The following CACNA1G variants were observed in gnomAD, a reference collection of about 807,000 sequenced individuals.
The protein encoded by CACNA1G is voltage-dependent T-type calcium channel subunit alpha-1G.
CACNA1G carries 67 observed loss-of-function variants against 219.4 expected under a neutral mutation model. The observed-to-expected ratio is 0.31, with a 90% CI of 0.25 to 0.37. CACNA1G has a LOEUF of 0.37. Among genes scored for constraint, CACNA1G ranks in the 10% least tolerant of loss-of-function variants. The pLI, the probability that CACNA1G is intolerant of heterozygous loss-of-function variation, is 1.00. For missense variants in CACNA1G, 2,380 were observed against 3,231.4 expected, an observed-to-expected ratio of 0.74 and a Z score of 6.39; for synonymous variants, 1,296 against 1,345.3, an observed-to-expected ratio of 0.96 and a Z score of 0.80.
intron 26 of CACNA1G, among the ~76,000 whole-genome samples, chr17:50,611,441 A>G (rs911514652): frequency 6.6e-6 from 1 of 152,064 alleles, no homozygotes; most frequent in Non-Finnish European, 1.5e-5. Flanking sequence ...GGACCCACCC[A>G]AGAGAGAACC....
At chr17:50,594,912 C>T in intron 13 of CACNA1G, 81 bp from the exon 14 acceptor site, 1 of 1,065,366 alleles carries the variant, frequency 9.4e-7, no homozygotes, top group Non-Finnish European at 1.4e-6. Flanking sequence ...TTTTCTTCAT[C>T]CTCTCTCGAC....
chr17:50,622,170 C>CCT lies in CACNA1G; in HGVS notation c.6060+376_6060+377insCT, dbSNP rs2052301554. Among the ~76,000 whole-genome samples the CCT allele has an allele frequency of 2.0e-5, 3 of 148,822 alleles. 1 individual carries two copies. Among genetic ancestry groups the CCT allele is most frequent in the African/African-American group, 7.5e-5 (3 of 40,194 alleles). On this transcript the variant is annotated intron_variant, in intron 35 of 37. Transcript: ENST00000359106. ...GCCAGCCCTCCCTGTGCCTGTTCCC[C>CCT]TCCTCCCCACCCCACCCCACCCCCC... is the stretch of plus-strand genomic sequence containing the variant.
chr17:50,596,976 G>A lies in CACNA1G; in HGVS notation c.3258+53G>A. ...GGTGGGAGATATTCCAAGGAGGACA[G>A]GAGGAAGAGAGGATGGAGGCAGGCG... On this transcript the variant is annotated intron_variant, in intron 16 of 37. Coordinates refer to ENST00000359106, the MANE Select transcript of CACNA1G (RefSeq NM_018896.5). The surrounding 1 kb of genome is among the most constrained non-coding windows in gnomAD (Gnocchi z 4.8). 6.9e-7 allele frequency: 1 copy of A among 1,444,984 alleles called. No individual in the cohort carries two copies. Among genetic ancestry groups the A allele is most frequent in the East Asian group, 2.5e-5 (1 of 40,092 alleles). 89.5% of individuals were successfully genotyped at this position (1,444,984 alleles called of 1,614,324 possible). A position where few individuals can be genotyped will look rare whatever the true frequency, so the allele number is the denominator to read the frequency against.
At chr17:50,581,127 G>A (rs2041872367) in intron 9 of CACNA1G, among the ~76,000 whole-genome samples, 1 of 151,778 alleles carries the variant, frequency 6.6e-6, no homozygotes, top group Non-Finnish European at 1.5e-5. Context: ...AGAGAGACGC[G>A]CAGGCAGGGG....
chr17:50,589,140 G>A (rs1433295327), intron 9 of CACNA1G, among the ~76,000 whole-genome samples: 1 of 152,134 alleles, frequency 6.6e-6, no homozygotes, highest in Non-Finnish European at 1.5e-5. Context: ...TGGACAGTGG[G>A]GTCCATTGAG....
At position 50,578,138 on chromosome 17, in the gene CACNA1G, G is replaced by C; in HGVS notation, c.1925-50G>C. 6.7e-7 allele frequency: 1 copy of C among 1,499,428 alleles called. No individual in the cohort carries two copies. Among genetic ancestry groups the C allele is most frequent in the Non-Finnish European group, 8.9e-7 (1 of 1,128,994 alleles). The allele number at this position is 1,499,428 out of a possible 1,614,324, so 92.9% of individuals were successfully genotyped here. ...TTACACATACTCACAGGGCAGGGTA[G>C]CCCCAGGTACGAGACTCTGGAGCCT... On this transcript the variant is annotated intron_variant, in intron 8 of 37. Transcript: ENST00000359106. The surrounding 1 kb of genome is among the most constrained non-coding windows in gnomAD (Gnocchi z 4.5).
intron 24 of CACNA1G, 51 bp downstream of exon 24, chr17:50,607,040 G>A (rs2048104917): frequency 7.2e-7 from 1 of 1,386,330 alleles, no homozygotes; most frequent in Non-Finnish European, 1.0e-6. Flanking sequence ...CACTCAGCAT[G>A]GGCTGATTCC....
chr17:50,625,387 T>G (rs2053494040), intron 37 of CACNA1G, among the ~76,000 whole-genome samples: 1 of 152,208 alleles, frequency 6.6e-6, no homozygotes, highest in Non-Finnish European at 1.5e-5. Flanking sequence ...AAATAGTCAC[T>G]AAGCAGCCTC....
At chr17:50,623,579 G>A (rs1196888070) in intron 35 of CACNA1G, among the ~76,000 whole-genome samples, 1 of 151,268 alleles carries the variant, frequency 6.6e-6, no homozygotes, top group Non-Finnish European at 1.5e-5. Context: ...TCCCTTCTCT[G>A]GATACCTCCC....
Position 50,616,389 on chromosome 17 carries a change from C to A in CACNA1G, c.5021+5C>A, listed in dbSNP as rs747327419. ...CCGTCGGTTCTTCCAGGACAGGTAA[C>A]GGAGAAAAGGGGGGTCTTGGGGACT... On this transcript the variant is annotated splice_donor_5th_base_variant and intron_variant, in intron 28 of 37. Transcript: ENST00000359106. 5.8e-6 allele frequency: 9 copies of A among 1,562,878 alleles called. No individual in the cohort carries two copies. The East Asian group carries it at 2.0e-4, about 35-fold the overall frequency.
Position 50,575,748 on chromosome 17 carries a change from G to T in CACNA1G, c.1346G>T (p.Arg449Leu). Residue 449 changes from arginine (R) to leucine (L), a missense_variant, in exon 8 of 38, where the codon CGC (arginine) becomes CTC (leucine). Around this residue, in one of 17 missense-constraint regions of CACNA1G, gnomAD observed 434 missense variants for 417.3 expected, o/e 1.04. Coordinates refer to ENST00000359106, the MANE Select transcript of CACNA1G (RefSeq NM_018896.5). ...YLVYILRKAA[R>L]RLAQVSRAAG... is the part of the protein sequence containing the mutation. The stretch of plus-strand genomic sequence containing the variant: ...GTGTACATCCTTCGTAAGGCAGCCC[G>T]CAGGCTGGCTCAGGTCTCTCGGGCA... The T allele has an allele frequency of 6.4e-7, 1 of 1,572,172 alleles. No individual in the cohort carries two copies. Among genetic ancestry groups the T allele is most frequent in the Non-Finnish European group, 8.6e-7 (1 of 1,158,916 alleles).
At chr17:50,622,080 C>T (rs1445924034) in intron 35 of CACNA1G, among the ~76,000 whole-genome samples, 1 of 152,126 alleles carries the variant, frequency 6.6e-6, no homozygotes, top group East Asian at 1.9e-4. Context: ...TCCAGACACC[C>T]AGGAGTGACA....
At position 50,626,861 on chromosome 17, in the gene CACNA1G, G is replaced by A. The variant is rs767646850; in HGVS notation, c.*110G>A. The A allele has an allele frequency of 2.0e-5, 28 of 1,400,392 alleles. No homozygotes were observed. In the South Asian group the frequency reaches 3.2e-4, roughly 16 times the overall value. 86.7% of individuals were successfully genotyped at this position (1,400,392 alleles called of 1,614,324 possible). A position where few individuals can be genotyped will look rare whatever the true frequency, so the allele number is the denominator to read the frequency against. On this transcript the variant is annotated 3_prime_UTR_variant, in exon 38 of 38. Transcript: ENST00000359106. The surrounding 1 kb of genome is among the most constrained non-coding windows in gnomAD (Gnocchi z 4.3). Reference sequence around the variant, plus strand: ...TCCATATAGACACCAAGGAGGCGGAGGCGCTCCTCCCTGCCTCAGTGGCTC... The same window carrying A: ...TCCATATAGACACCAAGGAGGCGGAAGCGCTCCTCCCTGCCTCAGTGGCTC...
At chr17:50,595,140 C>A in intron 14 of CACNA1G, 79 bp downstream of exon 14, 1 of 1,054,770 alleles carries the variant, frequency 9.5e-7, no homozygotes, top group Non-Finnish European at 1.4e-6. Context: ...TGTCTCTGTG[C>A]TCGTGTTCAC....
intron 1 of CACNA1G, among the ~76,000 whole-genome samples, chr17:50,565,931 C>T (rs2037705710): frequency 6.6e-6 from 1 of 152,264 alleles, no homozygotes; most frequent in Admixed American, 6.5e-5. Context: ...CTCCCCTCTC[C>T]TACCCCCTCT....
In CACNA1G at chr17:50,578,093, C is replaced by T; in HGVS notation, c.1925-95C>T. On this transcript the variant is annotated intron_variant, in intron 8 of 37. Transcript: ENST00000359106. The surrounding 1 kb of genome is among the most constrained non-coding windows in gnomAD (Gnocchi z 4.5). ...CCTAGCACCCCATCACTGTAACAACCCCAGACTCCCTGACTCATTTTACAC... is the reference window on the plus strand; with the variant it reads ...CCTAGCACCCCATCACTGTAACAACTCCAGACTCCCTGACTCATTTTACAC... The T allele has an allele frequency of 7.0e-7, 1 of 1,429,408 alleles. No homozygotes were observed. The highest frequency in any genetic ancestry group is 2.3e-5 in the East Asian group (1 of 42,808). The allele number at this position is 1,429,408 out of a possible 1,614,324, so 88.5% of individuals were successfully genotyped here. A position where few individuals can be genotyped will look rare whatever the true frequency, so the allele number is the denominator to read the frequency against.
At chr17:50,572,144 T>G (rs1490657540) in intron 5 of CACNA1G, 107 bp downstream of exon 5, 2 of 1,253,972 alleles carry the variant, frequency 1.6e-6, no homozygotes, top group Non-Finnish European at 2.2e-6. Flanking sequence ...TTCTAACATC[T>G]GAGACATATC....
intron 4 of CACNA1G, among the ~76,000 whole-genome samples, chr17:50,570,233 C>CA (rs1216141925): frequency 6.6e-6 from 1 of 152,190 alleles, no homozygotes; most frequent in Non-Finnish European, 1.5e-5. Flanking sequence ...TGACTTCTCT[C>CA]AAGACAAGGC....
rs544216783 is a variant in CACNA1G at position 50,596,527 on chromosome 17, C to A, written c.2980-35C>A. ...TCCATCCCAACCACCCAAGCCTGGC[C>A]GGATCCCTAATGGTCCGCTGCTCCC... On this transcript the variant is annotated intron_variant, in intron 14 of 37. Coordinates refer to ENST00000359106, the MANE Select transcript of CACNA1G (RefSeq NM_018896.5). This position sits in a 1 kb window ranked among gnomAD's most constrained non-coding sequence, Gnocchi z 4.8. 1 of 1,588,746 alleles carries A rather than the reference C, an allele frequency of 6.3e-7. No homozygotes were observed. The highest frequency in any genetic ancestry group is 8.6e-7 in the Non-Finnish European group (1 of 1,157,266).
Sources: allele counts gnomAD v4.1 joint callset (sites outside exome capture counted in the v4.1 genomes callset), GRCh38; gene constraint gnomAD v4.1.1; regional missense constraint gnomAD v4.1.1; non-coding constraint Gnocchi (gnomAD v3.1); transcripts MANE v1.5; gene names NCBI Gene and HGNC (gene_info 2026-07-23, HGNC 2026-07-21).